SMO: variants seen among roughly 807,000 people sequenced by gnomAD.
SMO encodes the protein protein smoothened.
Under a neutral mutation model 81.6 loss-of-function variants are expected in SMO, and 40 were observed. The observed-to-expected ratio is 0.49, with a 90% CI of 0.38 to 0.64. The LOEUF (loss-of-function observed/expected upper bound fraction) is 0.64. SMO is among the 30% of genes least tolerant of loss of function. SMO has a pLI of 0.00. For synonymous variants in SMO, 434 were observed against 432.1 expected, an observed-to-expected ratio of 1.00 and a Z score of -0.05; for missense variants, 916 against 1,061.1, an observed-to-expected ratio of 0.86 and a Z score of 1.90.
rs1282918319 is a variant in SMO at position 129,189,173 on chromosome 7, CG to C, written c.27del (p.Pro10ArgfsTer45). On this transcript the variant is annotated frameshift_variant, in exon 1 of 12. Coordinates refer to ENST00000249373, the MANE Select transcript of SMO (RefSeq NM_005631.5). LOFTEE classifies it high-confidence loss of function. This position sits in a 1 kb window ranked among gnomAD's most constrained non-coding sequence, Gnocchi z 4.7. Reference sequence around the variant, plus strand: ...GGCCATGGCCGCTGCCCGCCCAGCGCGGGGGCCGGAGCTCCCGCTCCTGGGG... The same window carrying C: ...GGCCATGGCCGCTGCCCGCCCAGCGCGGGGCCGGAGCTCCCGCTCCTGGGG... MAAARPA[R>X]GPELPLLGLL... 3.4e-6 allele frequency: 4 copies of C among 1,181,090 alleles called. No individual in the cohort carries two copies. The highest frequency in any genetic ancestry group is 1.6e-5 in the African/African-American group (1 of 62,858). The allele number at this position is 1,181,090 out of a possible 1,614,324, so 73.2% of individuals were successfully genotyped here. A position where few individuals can be genotyped will look rare whatever the true frequency, so the allele number is the denominator to read the frequency against.
rs1186470792 is a variant in SMO, at chr7:129,213,441, C to G, written c.*990C>G. ...CCTTCCATAGCCTCCAAACATGTTCCCAAGGCCCCACTTTCAAGAATCAGA... is the reference window on the plus strand; with the variant it reads ...CCTTCCATAGCCTCCAAACATGTTCGCAAGGCCCCACTTTCAAGAATCAGA... On this transcript the variant is annotated 3_prime_UTR_variant, in exon 12 of 12. Coordinates refer to ENST00000249373, the MANE Select transcript of SMO (RefSeq NM_005631.5). The G allele has an allele frequency of 4.3e-6, 1 of 233,042 alleles. No individual in the cohort carries two copies. The highest frequency in any genetic ancestry group is 2.2e-5 in the African/African-American group (1 of 45,294). 14.4% of individuals were successfully genotyped at this position (233,042 alleles called of 1,614,324 possible).
Position 129,211,508 on chromosome 7 carries a change from AG to A in SMO, c.1802-125del, listed in dbSNP as rs1793869516. The A allele has an allele frequency of 9.6e-7, 1 of 1,038,032 alleles. No individual in the cohort carries two copies. Among genetic ancestry groups the A allele is most frequent in the Admixed American group, 1.8e-5 (1 of 56,188 alleles). 64.3% of individuals were successfully genotyped at this position (1,038,032 alleles called of 1,614,324 possible). A position where few individuals can be genotyped will look rare whatever the true frequency, so the allele number is the denominator to read the frequency against. ...AAGGGGTAGAGATCACCGTGGTTAC[AG>A]GGTGAGCTTTCTCTGGTGAGCAGGA... On this transcript the variant is annotated intron_variant, in intron 10 of 11. Transcript: ENST00000249373. This position sits in a 1 kb window ranked among gnomAD's most constrained non-coding sequence, Gnocchi z 4.6.
At chr7:129,207,119 C>T (rs1793785933) in intron 6 of SMO, among the ~76,000 whole-genome samples, 1 of 152,186 alleles carries the variant, frequency 6.6e-6, no homozygotes, top group African/African-American at 2.4e-5. Context: ...GCGGAGATTA[C>T]AGGCATGAGC....
At position 129,210,020 on chromosome 7, in the gene SMO, T is replaced by G. The variant is rs562912250; in HGVS notation, c.1467-343T>G. On this transcript the variant is annotated intron_variant, in intron 8 of 11. Coordinates refer to ENST00000249373, the MANE Select transcript of SMO (RefSeq NM_005631.5). This position sits in a 1 kb window ranked among gnomAD's most constrained non-coding sequence, Gnocchi z 4.7. ...TGAGTCTCTGCCCCAGAGATTCAATTTAATTGTCTAGGGTGGGTCCCAGGC... is the reference window on the plus strand; with the variant it reads ...TGAGTCTCTGCCCCAGAGATTCAATGTAATTGTCTAGGGTGGGTCCCAGGC... 2 of 200,806 alleles carry G rather than the reference T, an allele frequency of 1.0e-5. No individual in the cohort carries two copies. Among genetic ancestry groups the G allele is most frequent in the African/African-American group, 2.3e-5 (1 of 43,518 alleles). 12.4% of individuals were successfully genotyped at this position (200,806 alleles called of 1,614,324 possible). A position where few individuals can be genotyped will look rare whatever the true frequency, so the allele number is the denominator to read the frequency against.
In SMO at chr7:129,211,638, G is replaced by T. The variant is rs372338093; in HGVS notation, c.1804G>T (p.Gly602Cys). The change falls in exon 11 of 12, where the codon GGC (glycine) becomes TGC (cysteine). Residue 602 changes from glycine to cysteine, a missense_variant and splice_region_variant. Physicochemically the swap from Gly to Cys is radical, Grantham distance 159. Coordinates refer to ENST00000249373, the MANE Select transcript of SMO (RefSeq NM_005631.5). This position sits in a 1 kb window ranked among gnomAD's most constrained non-coding sequence, Gnocchi z 4.6. ...TTTCCTTCCTTCCATTCCCACAGCG[G>T]GCTTGGCCTTTGACCTCAATGAGCC... ...HTVSHDGPVA[G>C]LAFDLNEPSA... 1 of 1,612,782 alleles carries T rather than the reference G, an allele frequency of 6.2e-7. No homozygotes were observed. Among genetic ancestry groups the T allele is most frequent in the Non-Finnish European group, 8.5e-7 (1 of 1,179,926 alleles).
Position 129,189,387 on chromosome 7 carries a change from T to C in SMO, c.236T>C (p.Leu79Pro). Reference sequence around the variant, plus strand: ...GAGCCGCTGCGCTACAACGTGTGCCTGGGCTCGGTGCTGCCCTACGGGGCC... The same window carrying C: ...GAGCCGCTGCGCTACAACGTGTGCCCGGGCTCGGTGCTGCCCTACGGGGCC... ...PCEPLRYNVC[L>P]GSVLPYGATS... Residue 79 changes from leucine to proline, a missense_variant, in exon 1 of 12, where the codon CTG becomes CCG. By Grantham distance (98) the Leu-to-Pro change is moderately conservative. Transcript: ENST00000249373. This position sits in a 1 kb window ranked among gnomAD's most constrained non-coding sequence, Gnocchi z 4.7. 4 of 1,535,898 alleles carry C rather than the reference T, an allele frequency of 2.6e-6. No individual in the cohort carries two copies. Among genetic ancestry groups the C allele is most frequent in the Non-Finnish European group, 3.5e-6 (4 of 1,146,188 alleles).
chr7:129,211,083 A>G lies in SMO; in HGVS notation c.1771A>G (p.Met591Val), dbSNP rs745484832. 4 of 1,613,010 alleles carry G rather than the reference A, an allele frequency of 2.5e-6. No individual in the cohort carries two copies. Among genetic ancestry groups the G allele is most frequent in the East Asian group, 2.2e-5 (1 of 44,858 alleles). The change falls in exon 10 of 12, where the codon ATG becomes GTG. Residue 591 changes from methionine (M) to valine (V), a missense_variant. Transcript: ENST00000249373. This position sits in a 1 kb window ranked among gnomAD's most constrained non-coding sequence, Gnocchi z 4.6. ...QNPGQELSFSMHTVSHDGPVA... is the reference protein window; with the variant it reads ...QNPGQELSFSVHTVSHDGPVA... ...CCCAGGCCAGGAGCTGTCCTTCAGC[A>G]TGCACACTGTGTCCCACGACGGGCC...
At chr7:129,202,365 TC>T (rs1441939782) in intron 1 of SMO, among the ~76,000 whole-genome samples, 2 of 152,050 alleles carry the variant, frequency 1.3e-5, no homozygotes, top group South Asian at 2.1e-4. Flanking sequence ...TATGTTGCCT[TC>T]CCCCGAAAAG....
chr7:129,210,378 G>T lies in SMO; in HGVS notation c.1482G>T (p.Val494=). 1 of 1,613,940 alleles carries T rather than the reference G, an allele frequency of 6.2e-7. No individual in the cohort carries two copies. The highest frequency in any genetic ancestry group is 1.1e-5 in the South Asian group (1 of 91,008). ...CTCACTGTAGATGTCAGGCCAATGT[G>T]ACCATCGGGCTGCCCACCAAGCAGC... ...FRDYVLCQAN[V]TIGLPTKQPI... is the part of the protein sequence containing the mutation. Residue 494 remains valine (V), a synonymous_variant, in exon 9 of 12, where the codon GTG becomes GTT. Transcript: ENST00000249373. This position sits in a 1 kb window ranked among gnomAD's most constrained non-coding sequence, Gnocchi z 4.7.
At chr7:129,193,998 G>C (rs1793528638) in intron 1 of SMO, among the ~76,000 whole-genome samples, 2 of 150,012 alleles carry the variant, frequency 1.3e-5, no homozygotes, top group Admixed American at 1.3e-4. Flanking sequence ...TACACTGGAG[G>C]CTGAGGCAAA....
rs765448047 is a variant in SMO at position 129,208,716 on chromosome 7, C to A, written c.1265-43C>A. 1 of 1,271,108 alleles carries A rather than the reference C, an allele frequency of 7.9e-7. No individual in the cohort carries two copies. Among genetic ancestry groups the A allele is most frequent in the Non-Finnish European group, 1.1e-6 (1 of 870,010 alleles). 78.7% of individuals were successfully genotyped at this position (1,271,108 alleles called of 1,614,324 possible). ...CACTCACCCATCCTTCCCAGCAGGG[C>A]AGCCTCACCCCTGCTAATGTCTGAG... On this transcript the variant is annotated intron_variant, in intron 6 of 11. Transcript: ENST00000249373. This position sits in a 1 kb window ranked among gnomAD's most constrained non-coding sequence, Gnocchi z 5.2.
rs1178116899 is a variant in SMO at position 129,210,471 on chromosome 7, G to GT, written c.1578dup (p.Gly527TrpfsTer31). On this transcript the variant is annotated frameshift_variant, in exon 9 of 12. Transcript: ENST00000249373. LOFTEE classifies it high-confidence loss of function. The surrounding 1 kb of genome is among the most constrained non-coding windows in gnomAD (Gnocchi z 4.7). ...TGGAGAAGATCAACCTGTTTGCCAT[G>GT]TTTGGAACTGGCATCGCCATGAGCA... 1.2e-6 allele frequency: 2 copies of GT among 1,614,136 alleles called. No individual in the cohort carries two copies. The highest frequency in any genetic ancestry group is 3.3e-5 in the Admixed American group (2 of 60,026).
rs2735843 is a variant in SMO at position 129,206,875 on chromosome 7, A to G, written c.1264+288A>G. Among the ~76,000 whole-genome samples, 127,739 of 152,154 alleles carry G rather than the reference A, an allele frequency of 0.84. 53,798 individuals carry two copies. The highest frequency in any genetic ancestry group is 0.89 in the Middle Eastern group (262 of 294). On this transcript the variant is annotated intron_variant, in intron 6 of 11. Coordinates refer to ENST00000249373, the MANE Select transcript of SMO (RefSeq NM_005631.5). The surrounding 1 kb of genome is among the most constrained non-coding windows in gnomAD (Gnocchi z 4.4). Reference sequence around the variant, plus strand: ...TGTTTTTGTTTTTGAGACAGAGTCTAGCTCTGTTGCCCAGGCTGGAGTGCA... The same window carrying G: ...TGTTTTTGTTTTTGAGACAGAGTCTGGCTCTGTTGCCCAGGCTGGAGTGCA...
intron 6 of SMO, among the ~76,000 whole-genome samples, chr7:129,207,900 A>G (rs1257504448): frequency 6.6e-6 from 1 of 152,070 alleles, no homozygotes; most frequent in Non-Finnish European, 1.5e-5. Flanking sequence ...CTCCAAAGAA[A>G]ACAAGACAAC....
chr7:129,211,109 C>T lies in SMO; in HGVS notation c.1797C>T (p.Pro599=), dbSNP rs371521173. The T allele has an allele frequency of 3.0e-5, 48 of 1,604,416 alleles. No homozygotes were observed. The highest frequency in any genetic ancestry group is 1.1e-4 in the East Asian group (5 of 44,776). ...FSMHTVSHDG[P]VAGLAFDLNE... ...TGCACACTGTGTCCCACGACGGGCC[C>T]GTGGGTGAGCCTCACCCCTCCTCTA... The change falls in exon 10 of 12, where the codon CCC becomes CCT. Residue 599 remains proline, a synonymous_variant. Transcript: ENST00000249373. This position sits in a 1 kb window ranked among gnomAD's most constrained non-coding sequence, Gnocchi z 4.6.
rs917926141 is a variant in SMO at position 129,188,955 on chromosome 7, C to G, written c.-197C>G. 1.6e-5 allele frequency: 6 copies of G among 373,694 alleles called. No individual in the cohort carries two copies. In the East Asian group the frequency reaches 2.0e-4, roughly 12 times the overall value. The allele number at this position is 373,694 out of a possible 1,614,324, so 23.1% of individuals were successfully genotyped here. A position where few individuals can be genotyped will look rare whatever the true frequency, so the allele number is the denominator to read the frequency against. The stretch of plus-strand genomic sequence containing the variant: ...GGGCCTCCGCAGCCCAACATGGGCC[C>G]CGGGTTCCAAAGTTTGCGAAGTTGG... On this transcript the variant is annotated 5_prime_UTR_variant, in exon 1 of 12. Coordinates refer to ENST00000249373, the MANE Select transcript of SMO (RefSeq NM_005631.5). This position sits in a 1 kb window ranked among gnomAD's most constrained non-coding sequence, Gnocchi z 4.9.
rs541417053 is a variant in SMO, at chr7:129,195,877, A to G, written c.331+6395A>G. 4.2e-3 allele frequency among the ~76,000 whole-genome samples: 643 copies of G among 152,126 alleles called. 1 individual carries two copies. The highest frequency in any genetic ancestry group is 0.03 in the East Asian group (153 of 5,150). ...AGCACTTTGGGAGGTCAAGGTGGGC[A>G]GATCACGAGGTCAGGAAGTCGAGAC... On this transcript the variant is annotated intron_variant, in intron 1 of 11. Coordinates refer to ENST00000249373, the MANE Select transcript of SMO (RefSeq NM_005631.5).
rs1061282 is a variant in SMO, at chr7:129,213,351, C to T, written c.*900C>T. The T allele has an allele frequency of 0.028, 6,496 of 232,880 alleles. 121 individuals are homozygous for T. The highest frequency in any genetic ancestry group is 0.062 in the Admixed American group (1,108 of 17,776). The allele number at this position is 232,880 out of a possible 1,614,324, so 14.4% of individuals were successfully genotyped here. A position where few individuals can be genotyped will look rare whatever the true frequency, so the allele number is the denominator to read the frequency against. ...TTGAGGGGCTACCCTGGGAAGCTGCCGTAGCTTCAGCCAGGCAAGAAAGCT... is the reference window on the plus strand; with the variant it reads ...TTGAGGGGCTACCCTGGGAAGCTGCTGTAGCTTCAGCCAGGCAAGAAAGCT... On this transcript the variant is annotated 3_prime_UTR_variant, in exon 12 of 12. Coordinates refer to ENST00000249373, the MANE Select transcript of SMO (RefSeq NM_005631.5).
chr7:129,210,308 AAAAG>A lies in SMO; in HGVS notation c.1467-53_1467-50del, dbSNP rs1793848222. The stretch of plus-strand genomic sequence containing the variant: ...TGACAGAGCAAGATCCTATCTCAAA[AAAAG>A]AGAGAGGAAAAGAAAGGAAAGCCTC... On this transcript the variant is annotated intron_variant, in intron 8 of 11. Coordinates refer to ENST00000249373, the MANE Select transcript of SMO (RefSeq NM_005631.5). This position sits in a 1 kb window ranked among gnomAD's most constrained non-coding sequence, Gnocchi z 4.7. 1 of 1,469,394 alleles carries A rather than the reference AAAAG, an allele frequency of 6.8e-7. No homozygotes were observed. Among genetic ancestry groups the A allele is most frequent in the South Asian group, 1.1e-5 (1 of 87,248 alleles). 91.0% of individuals were successfully genotyped at this position (1,469,394 alleles called of 1,614,324 possible). A position where few individuals can be genotyped will look rare whatever the true frequency, so the allele number is the denominator to read the frequency against.
Sources: gnomAD v4.1 joint callset for allele counts (sites outside exome capture counted in the v4.1 genomes callset) on GRCh38, gnomAD v4.1.1 for gene constraint, Gnocchi (gnomAD v3.1) non-coding constraint, MANE v1.5 for transcripts, NCBI Gene and HGNC (gene_info 2026-07-23, HGNC 2026-07-21) for gene names.